Variants in PCDH15 observed in about 807,000 individuals in gnomAD.
PCDH15 encodes protocadherin-15.
Under a neutral mutation model 178.5 loss-of-function variants are expected in PCDH15, and 129 were observed. That is an observed-to-expected ratio of 0.72 (90% confidence interval 0.63 to 0.84). The LOEUF (loss-of-function observed/expected upper bound fraction) is 0.84. Among genes scored for constraint, PCDH15 ranks in the 40% least tolerant of loss-of-function variants. The pLI is 0.00. For synonymous variants in PCDH15, 800 were observed against 732.0 expected, an observed-to-expected ratio of 1.09 and a Z score of -1.50; for missense variants, 2,230 against 2,099.9, an observed-to-expected ratio of 1.06 and a Z score of -1.21.
chr10:55,060,699 T>C lies in PCDH15; in HGVS notation c.-80+105877A>G, dbSNP rs74136343. Among the ~76,000 whole-genome samples, 745 of 152,092 alleles carry C rather than the reference T, an allele frequency of 4.9e-3. 3 individuals carry two copies. The highest frequency in any genetic ancestry group is 0.017 in the African/African-American group (719 of 41,538). ...AAATGAGAAGAAAATTAGAAAACAA[T>C]TGTTTTCAAAAAAACGATTTTATAT... On this transcript the variant is annotated intron_variant, in intron 2 of 5. Transcript: ENST00000458638.
chr10:54,218,599 G>C (rs2052376211), intron 9 of PCDH15, among the ~76,000 whole-genome samples: 2 of 152,168 alleles, frequency 1.3e-5, no homozygotes, highest in Admixed American at 6.5e-5. Context: ...AGCTGGAGAA[G>C]CTTCATCAAA....
At chr10:55,324,021 G>A (rs928511059), upstream of PCDH15, among the ~76,000 whole-genome samples, 1 of 152,036 alleles carries the variant, frequency 6.6e-6, no homozygotes, top group Non-Finnish European at 1.5e-5. Flanking sequence ...AGTCTCACAA[G>A]ATCTGAAGCT....
chr10:55,070,743 T>C (rs1238689388), intron 2 of PCDH15, among the ~76,000 whole-genome samples: 1 of 152,188 alleles, frequency 6.6e-6, no homozygotes, highest in Non-Finnish European at 1.5e-5. Context: ...TGGCTTAGGA[T>C]TGACTTGGTG....
chr10:54,553,745 T>G (rs1042159409), intron 2 of PCDH15, among the ~76,000 whole-genome samples: 1 of 152,174 alleles, frequency 6.6e-6, no homozygotes, highest in East Asian at 1.9e-4. Context: ...AGTCAGGTTC[T>G]GTATAAAATC....
At chr10:54,926,766 G>T (rs111955266) in intron 2 of PCDH15, among the ~76,000 whole-genome samples, 9,914 of 151,904 alleles carry the variant, frequency 0.065, 1,041 homozygotes, top group African/African-American at 0.22. Context: ...TTCTCCGATG[G>T]TTATCTGTAA....
chr10:54,309,537 T>C (rs2060771161), intron 8 of PCDH15, among the ~76,000 whole-genome samples: 2 of 152,106 alleles, frequency 1.3e-5, no homozygotes, highest in South Asian at 4.1e-4. Context: ...CTCATGCCTA[T>C]AATCCCAGAA....
At chr10:55,390,712 A>G (rs777088291) in intron 2 of PCDH15, among the ~76,000 whole-genome samples, 6 of 152,220 alleles carry the variant, frequency 3.9e-5, no homozygotes, top group Non-Finnish European at 8.8e-5. Context: ...GGGCTAAAGA[A>G]TGGATGCTGT....
At chr10:54,815,033 C>T (rs1048382243) in intron 3 of PCDH15, among the ~76,000 whole-genome samples, 1 of 152,046 alleles carries the variant, frequency 6.6e-6, no homozygotes, top group Admixed American at 6.6e-5. Flanking sequence ...ACCAGGAGCA[C>T]CAATGATCAC....
At chr10:53,945,837 G>GTACA (rs1554876098) in intron 23 of PCDH15, among the ~76,000 whole-genome samples, 91 of 119,432 alleles carry the variant, frequency 7.6e-4, no homozygotes, top group East Asian at 1.1e-3. Flanking sequence ...ATATTTCATT[G>GTACA]TATATATATA....
intron 2 of PCDH15, among the ~76,000 whole-genome samples, chr10:54,984,452 C>T (rs1217572196): frequency 6.6e-6 from 1 of 152,176 alleles, no homozygotes; most frequent in Non-Finnish European, 1.5e-5. Context: ...ACAGGCCTTG[C>T]TGTGTTTCTC....
chr10:55,270,717 T>C (rs1375058079), intron 1 of PCDH15, among the ~76,000 whole-genome samples: 5 of 152,216 alleles, frequency 3.3e-5, no homozygotes, highest in Non-Finnish European at 5.9e-5. Flanking sequence ...GTTCAGCCAC[T>C]GTGGAAAGCA....
intron 6 of PCDH15, among the ~76,000 whole-genome samples, chr10:54,338,277 T>C (rs370889358): frequency 2.6e-5 from 4 of 152,210 alleles, no homozygotes; most frequent in East Asian, 3.9e-4. Flanking sequence ...TATGGAGGCA[T>C]GGAAATCTCA....
At position 55,266,016 on chromosome 10, in the gene PCDH15, G is replaced by T. The variant is rs539473335; in HGVS notation, c.-156+53583C>A. ...AACTGCTAAAGATACGGCAAAAACA[G>T]TTAGCTGTCTTCTAAAGTTTAACCA... On this transcript the variant is annotated intron_variant, in intron 1 of 5. Coordinates refer to the PCDH15 transcript ENST00000458638. 1.2e-4 allele frequency among the ~76,000 whole-genome samples: 18 copies of T among 152,192 alleles called. 1 individual carries two copies. In the South Asian group the frequency reaches 3.7e-3, roughly 31 times the overall value.
At chr10:54,387,599 C>G (rs1375188646) in intron 3 of PCDH15, among the ~76,000 whole-genome samples, 2 of 152,130 alleles carry the variant, frequency 1.3e-5, no homozygotes, top group Non-Finnish European at 2.9e-5. Context: ...ATCTTCAGGC[C>G]TCTCAAAGTA....
rs550141442 is a variant in PCDH15 at position 54,528,462 on chromosome 10, G to C, written c.92-585C>G. On this transcript the variant is annotated intron_variant, in intron 2 of 37. Transcript: ENST00000644397. ...AGATCAGAAAAATGGAAGAAAGAAA[G>C]GAAGAGAGAATATATGTATATATTT... is the stretch of plus-strand genomic sequence containing the variant. 7.5e-5 allele frequency: 101 copies of C among 1,347,272 alleles called. No individual in the cohort carries two copies. In the African/African-American group the frequency reaches 1.3e-3, roughly 17 times the overall value. 83.5% of individuals were successfully genotyped at this position (1,347,272 alleles called of 1,614,324 possible). A position where few individuals can be genotyped will look rare whatever the true frequency, so the allele number is the denominator to read the frequency against.
intron 1 of PCDH15, among the ~76,000 whole-genome samples, chr10:55,276,705 A>G (rs1298620296): frequency 6.6e-6 from 1 of 151,776 alleles, no homozygotes; most frequent in African/African-American, 2.4e-5. Context: ...GCCCCATAAA[A>G]TGAGTTGAGG....
chr10:54,014,333 C>T (rs1034912342), intron 20 of PCDH15, among the ~76,000 whole-genome samples: 1 of 74,830 alleles, frequency 1.3e-5, no homozygotes, highest in Non-Finnish European at 2.9e-5. Context: ...CAAATTCTAC[C>T]ACATGTATAA....
At chr10:54,295,861 G>GCACGGCCAC (rs2059726513) in intron 8 of PCDH15, among the ~76,000 whole-genome samples, 14 of 152,030 alleles carry the variant, frequency 9.2e-5, no homozygotes, top group African/African-American at 3.1e-4. Flanking sequence ...AAAGTGGTTG[G>GCACGGCCAC]TGGCCGGGCG....
chr10:54,197,860 A>C (rs2049831797), intron 10 of PCDH15, among the ~76,000 whole-genome samples: 1 of 152,184 alleles, frequency 6.6e-6, no homozygotes, highest in African/African-American at 2.4e-5. Flanking sequence ...AAATTATGCT[A>C]ATTAATAAAC....
Sources: gnomAD v4.1 joint callset for allele counts (sites outside exome capture counted in the v4.1 genomes callset) on GRCh38, gnomAD v4.1.1 for gene constraint, MANE v1.5 for transcripts, NCBI Gene and HGNC (gene_info 2026-07-23, HGNC 2026-07-21) for gene names.